PTPRT: variants seen among roughly 807,000 people sequenced by gnomAD.
PTPRT encodes receptor-type tyrosine-protein phosphatase T.
Under a neutral mutation model 176.8 loss-of-function variants are expected in PTPRT, and 56 were observed. That is an observed-to-expected ratio of 0.32 (90% confidence interval 0.26 to 0.40). The LOEUF (loss-of-function observed/expected upper bound fraction) is 0.40. Among genes scored for constraint, PTPRT ranks in the 10% least tolerant of loss-of-function variants. PTPRT has a pLI of 1.00. For missense variants in PTPRT, 1,540 were observed against 1,908.2 expected (o/e 0.81, Z 3.60); for synonymous variants, 783 against 739.0 (o/e 1.06, Z -0.96).
rs1432276697 is a variant in PTPRT, at chr20:42,074,752, T to G, written c.*6127A>C. The G allele has an allele frequency of 2.5e-6, 1 of 398,476 alleles. No individual in the cohort carries two copies. Among genetic ancestry groups the G allele is most frequent in the Non-Finnish European group, 4.4e-6 (1 of 226,092 alleles). The allele number at this position is 398,476 out of a possible 1,614,324, so 24.7% of individuals were successfully genotyped here. On this transcript the variant is annotated 3_prime_UTR_variant, in exon 31 of 31. Coordinates refer to ENST00000373187, the MANE Select transcript of PTPRT (RefSeq NM_007050.6). Reference sequence around the variant, plus strand: ...ACATTCATGAGTGGATTTCAGTTGGTGAATGCCCTTTGATGACCTTTTCCC... The same window carrying G: ...ACATTCATGAGTGGATTTCAGTTGGGGAATGCCCTTTGATGACCTTTTCCC...
Position 42,144,188 on chromosome 20 carries a change from T to C in PTPRT, c.2683-2186A>G, listed in dbSNP as rs1011200964. 6.6e-5 allele frequency among the ~76,000 whole-genome samples: 10 copies of C among 152,172 alleles called. 1 individual carries two copies. Among genetic ancestry groups the C allele is most frequent in the African/African-American group, 2.4e-4 (10 of 41,434 alleles). On this transcript the variant is annotated intron_variant, in intron 17 of 30. Transcript: ENST00000373187. ...GAAAGAAGGCTGACCCTTAGATCAT[T>C]AGTTTGAAGAACTGAGGGGGGAGAG...
At chr20:42,692,651 T>C (rs1238520503) in intron 6 of PTPRT, among the ~76,000 whole-genome samples, 3 of 152,108 alleles carry the variant, frequency 2.0e-5, no homozygotes, top group Non-Finnish European at 4.4e-5. Flanking sequence ...TTTTAGCCAA[T>C]GCAATGAGGC....
chr20:42,820,289 G>GA (rs2077868430), intron 2 of PTPRT, among the ~76,000 whole-genome samples: 1 of 152,140 alleles, frequency 6.6e-6, no homozygotes, highest in South Asian at 2.1e-4. Context: ...CAATTACATG[G>GA]AAATTGAACA....
intron 7 of PTPRT, among the ~76,000 whole-genome samples, chr20:42,676,973 T>C (rs530988380): frequency 1.3e-5 from 2 of 152,186 alleles, no homozygotes; most frequent in South Asian, 4.1e-4. Flanking sequence ...AACTCTTACA[T>C]GGCATCCAGG....
At position 42,161,376 on chromosome 20, in the gene PTPRT, G is replaced by T; in HGVS notation, c.2658C>A (p.Gly886=). 1 of 1,614,124 alleles carries T rather than the reference G, an allele frequency of 6.2e-7. No homozygotes were observed. Among genetic ancestry groups the T allele is most frequent in the Non-Finnish European group, 8.5e-7 (1 of 1,180,022 alleles). ...CCTCGTATTCCTCCTTGAACCCGTA[G>T]CCCTGGCCTCTCTTCATCTGCGTGA... is the stretch of plus-strand genomic sequence containing the variant. ...QHITQMKRGQ[G]YGFKEEYEAL... is the part of the protein sequence containing the mutation. Residue 886 remains glycine (G), a synonymous_variant, in exon 17 of 31, where the codon GGC becomes GGA. Transcript: ENST00000373187.
intron 9 of PTPRT, among the ~76,000 whole-genome samples, chr20:42,400,879 A>G (rs1031424587): frequency 7.2e-5 from 11 of 152,016 alleles, no homozygotes; most frequent in Non-Finnish European, 1.6e-4. Context: ...GTGTGGGAGT[A>G]ATTCTACAGT....
chr20:42,397,513 T>C (rs2058863437), intron 9 of PTPRT, among the ~76,000 whole-genome samples: 1 of 152,206 alleles, frequency 6.6e-6, no homozygotes, highest in Non-Finnish European at 1.5e-5. Context: ...TATGTCCATG[T>C]GTACTCAATG....
At chr20:42,228,797 C>T (rs987575478) in intron 15 of PTPRT, among the ~76,000 whole-genome samples, 1 of 152,204 alleles carries the variant, frequency 6.6e-6, no homozygotes, top group East Asian at 1.9e-4. Context: ...GAGCACTGAT[C>T]TAGTCACTGG....
intron 1 of PTPRT, among the ~76,000 whole-genome samples, chr20:43,003,194 G>A (rs562426582): frequency 2.6e-5 from 4 of 152,084 alleles, no homozygotes; most frequent in African/African-American, 7.2e-5. Flanking sequence ...TAATTTTATT[G>A]ATTTATTTTT....
At chr20:42,362,127 A>T (rs13037681) in intron 9 of PTPRT, among the ~76,000 whole-genome samples, 1 of 152,018 alleles carries the variant, frequency 6.6e-6, no homozygotes, top group Non-Finnish European at 1.5e-5. Flanking sequence ...ATAGCCAGGC[A>T]TGGTGGTGCA....
At chr20:43,082,005 A>G (rs144857287) in intron 1 of PTPRT, among the ~76,000 whole-genome samples, 149 of 152,300 alleles carry the variant, frequency 9.8e-4, no homozygotes, top group African/African-American at 3.5e-3. Flanking sequence ...TTCCCAGAAA[A>G]AACCATTTTT....
chr20:42,998,273 T>A (rs374821566), intron 1 of PTPRT, among the ~76,000 whole-genome samples: 1 of 152,182 alleles, frequency 6.6e-6, no homozygotes, highest in East Asian at 1.9e-4. Flanking sequence ...CACCTACGTA[T>A]TCAATTACCA....
chr20:42,046,727 C>T, the PTPRT span, among the ~76,000 whole-genome samples: 1,009 of 152,074 alleles, frequency 6.6e-3, 10 homozygotes, highest in African/African-American at 0.023. Context: ...TTAGTTAGGC[C>T]GAGGAAGAAC....
chr20:42,778,926 C>G (rs1193382003), intron 4 of PTPRT, among the ~76,000 whole-genome samples: 1 of 152,156 alleles, frequency 6.6e-6, no homozygotes, highest in Non-Finnish European at 1.5e-5. Flanking sequence ...AGGGTAGGGA[C>G]TTTCAGCCAG....
At chr20:43,006,848 T>C (rs1450733442) in intron 1 of PTPRT, among the ~76,000 whole-genome samples, 1 of 152,164 alleles carries the variant, frequency 6.6e-6, no homozygotes, top group Non-Finnish European at 1.5e-5. Context: ...CAGACACTGA[T>C]GATAAGCTGA....
chr20:42,241,604 G>C (rs1048413044), intron 14 of PTPRT, among the ~76,000 whole-genome samples: 9 of 152,148 alleles, frequency 5.9e-5, no homozygotes, highest in Non-Finnish European at 7.4e-5. Context: ...GTGGCCATGG[G>C]ATGGGGAAGA....
chr20:42,754,961 C>T (rs1189396181), intron 6 of PTPRT, among the ~76,000 whole-genome samples: 1 of 152,060 alleles, frequency 6.6e-6, no homozygotes, highest in Non-Finnish European at 1.5e-5. Context: ...CAGCAGACAG[C>T]CCTCCTCTCA....
intron 5 of PTPRT, 61 bp downstream of exon 5, chr20:42,771,374 C>A: frequency 7.0e-7 from 1 of 1,430,734 alleles, no homozygotes; most frequent in Non-Finnish European, 9.8e-7. Flanking sequence ...TGCTTCCTTC[C>A]AGTCCTTCTT....
chr20:42,055,644 T>G, the PTPRT span, among the ~76,000 whole-genome samples: 1 of 152,148 alleles, frequency 6.6e-6, no homozygotes, highest in Non-Finnish European at 1.5e-5. Context: ...TCTTATTTCC[T>G]CTTGTCTTCC....
Sources: allele counts gnomAD v4.1 joint callset (sites outside exome capture counted in the v4.1 genomes callset), GRCh38; gene constraint gnomAD v4.1.1; transcripts MANE v1.5; gene names NCBI Gene and HGNC (gene_info 2026-07-23, HGNC 2026-07-21).